The following FAM228B variants were observed in gnomAD, a reference collection of about 807,000 sequenced individuals.
The protein encoded by FAM228B is protein FAM228B.
A neutral mutation model predicts 42.6 loss-of-function variants in FAM228B; 38 were observed. That is an observed-to-expected ratio of 0.89 (90% confidence interval 0.69 to 1.17). FAM228B has a LOEUF of 1.17. Ranked by LOEUF, FAM228B falls within the 50% of genes most tolerant of loss-of-function variation. The probability of loss-of-function intolerance (pLI) is 0.00; values close to 1 mark genes in which losing one functional copy is unlikely to be tolerated. For missense variants in FAM228B, 344 were observed against 367.3 expected (o/e 0.94, Z 0.52); for synonymous variants, 109 against 122.3 (o/e 0.89, Z 0.72).
At chr2:24,089,318 A>G (rs1665333448) in intron 2 of FAM228B, among the ~76,000 whole-genome samples, 1 of 152,236 alleles carries the variant, frequency 6.6e-6, no homozygotes, top group South Asian at 2.1e-4. Flanking sequence ...AAGGTCTGAA[A>G]GACTGGGAAT....
At chr2:24,087,877 C>T (rs185611196) in intron 2 of FAM228B, among the ~76,000 whole-genome samples, 188 of 150,966 alleles carry the variant, frequency 1.2e-3, no homozygotes, top group East Asian at 7.0e-3. Flanking sequence ...TATAGATGCA[C>T]GCTGCCACGC....
intron 3 of FAM228B, among the ~76,000 whole-genome samples, chr2:24,110,269 G>A (rs1302521601): frequency 6.6e-6 from 1 of 152,136 alleles, no homozygotes; most frequent in Non-Finnish European, 1.5e-5. Context: ...AACAGACACT[G>A]GGGCCTGCTT....
chr2:24,107,817 G>A (rs1223624393), intron 3 of FAM228B, among the ~76,000 whole-genome samples: 1 of 152,104 alleles, frequency 6.6e-6, no homozygotes, highest in Non-Finnish European at 1.5e-5. Context: ...ATGCCCACAT[G>A]AAACAGACAG....
Position 24,084,685 on chromosome 2 carries a change from GC to G in FAM228B, c.-210+3735del. On this transcript the variant is annotated intron_variant, in intron 2 of 10. Coordinates refer to the FAM228B transcript ENST00000613899. This position sits in a 1 kb window ranked among gnomAD's most constrained non-coding sequence, Gnocchi z 8.4. ...AAATCACACTCCCTCTGAGTTGGAA[GC>G]CCCCAGCCCGACCCGGGTCCCCGGC... 5.3e-6 allele frequency: 1 copy of G among 190,432 alleles called. No individual in the cohort carries two copies. Among genetic ancestry groups the G allele is most frequent in the Non-Finnish European group, 1.1e-5 (1 of 93,484 alleles). 11.8% of individuals were successfully genotyped at this position (190,432 alleles called of 1,614,324 possible). A position where few individuals can be genotyped will look rare whatever the true frequency, so the allele number is the denominator to read the frequency against.
At chr2:24,101,706 G>A (rs1005283617) in intron 3 of FAM228B, among the ~76,000 whole-genome samples, 7 of 151,288 alleles carry the variant, frequency 4.6e-5, no homozygotes, top group African/African-American at 1.7e-4. Context: ...TTTTAAAGAC[G>A]GGGTCTCGCA....
At chr2:24,090,574 AAAAAAAAAAT>A (rs901377198) in intron 2 of FAM228B, among the ~76,000 whole-genome samples, 1 of 151,698 alleles carries the variant, frequency 6.6e-6, no homozygotes, top group African/African-American at 2.4e-5. Context: ...AAAAAAAAAA[AAAAAAAAAAT>A]AGGAAATGGA....
intron 2 of FAM228B, among the ~76,000 whole-genome samples, chr2:24,081,419 C>T (rs1358096240): frequency 6.6e-6 from 1 of 152,202 alleles, no homozygotes; most frequent in Non-Finnish European, 1.5e-5. Context: ...TGGTCACCAC[C>T]GAAAGCCAGT....
Position 24,084,235 on chromosome 2 carries a change from A to T in FAM228B, c.-210+3280A>T, listed in dbSNP as rs1220357658. The stretch of plus-strand genomic sequence containing the variant: ...CAGGGCGCTGGCCGCCACCTTCAGG[A>T]GGACTTCACCCTCCCCCGGGCTCGG... On this transcript the variant is annotated intron_variant, in intron 2 of 10. Transcript: ENST00000613899. This position sits in a 1 kb window ranked among gnomAD's most constrained non-coding sequence, Gnocchi z 8.4. 25 of 1,613,884 alleles carry T rather than the reference A, an allele frequency of 1.5e-5. No individual in the cohort carries two copies. The highest frequency in any genetic ancestry group is 6.7e-5 in the Admixed American group (4 of 59,992).
At position 24,146,955 on chromosome 2, in the gene FAM228B, C is replaced by T; in HGVS notation, c.555C>T (p.Phe185=). ...ETGKIYSIKE[F]KEVEKVQLHS... ...GCAAAATATATTCAATAAAGGAATT[C>T]AAAGAAGTTGAGAAGGTTCAGCTGC... Residue 185 remains phenylalanine, a synonymous_variant, in exon 7 of 11, where the codon TTC becomes TTT. Transcript: ENST00000615575. 1 of 1,551,188 alleles carries T rather than the reference C, an allele frequency of 6.4e-7. No homozygotes were observed. Among genetic ancestry groups the T allele is most frequent in the Non-Finnish European group, 8.7e-7 (1 of 1,146,754 alleles).
Position 24,090,550 on chromosome 2 carries a change from A to C in FAM228B, c.-209-4591A>C, listed in dbSNP as rs1476791262. Among the ~76,000 whole-genome samples, 6 of 136,678 alleles carry C rather than the reference A, an allele frequency of 4.4e-5. No homozygotes were observed. In the Admixed American group the frequency reaches 4.6e-4, roughly 11 times the overall value. The allele number at this position is 136,678 out of a possible 152,430, so 89.7% of individuals were successfully genotyped here. A position where few individuals can be genotyped will look rare whatever the true frequency, so the allele number is the denominator to read the frequency against. On this transcript the variant is annotated intron_variant, in intron 2 of 10. Coordinates refer to the FAM228B transcript ENST00000613899. ...GCACTCCAGCCTTGGTGACAGAGAGAGCCTCCCATCTCAAAAAAAAAAAAA... is the reference window on the plus strand; with the variant it reads ...GCACTCCAGCCTTGGTGACAGAGAGCGCCTCCCATCTCAAAAAAAAAAAAA...
chr2:24,146,535 C>T (rs186730172), intron 5 of FAM228B, among the ~76,000 whole-genome samples: 2 of 152,160 alleles, frequency 1.3e-5, no homozygotes, highest in African/African-American at 2.4e-5. Flanking sequence ...AACTTTGTCT[C>T]TTTGACTGGA....
intron 2 of FAM228B, among the ~76,000 whole-genome samples, chr2:24,088,642 C>T (rs759276245): frequency 3.3e-5 from 5 of 152,222 alleles, no homozygotes; most frequent in South Asian, 2.1e-4. Flanking sequence ...TGAGCCACCG[C>T]GCCCGGCCTA....
chr2:24,122,259 G>A (rs1666141400), upstream of FAM228B, among the ~76,000 whole-genome samples: 1 of 151,334 alleles, frequency 6.6e-6, no homozygotes, highest in Non-Finnish European at 1.5e-5. Context: ...TTGAGAGGCG[G>A]AGGTTGCAGT....
chr2:24,077,715 T>C lies in FAM228B; in HGVS notation c.-290+746T>C. ...ACGTTGGGGGCCCTCCGTGGAGAAG[T>C]GAGGCAGAATTTGCTCCGTGAAAGC... On this transcript the variant is annotated intron_variant, in intron 1 of 10. Coordinates refer to the FAM228B transcript ENST00000613899. This position sits in a 1 kb window ranked among gnomAD's most constrained non-coding sequence, Gnocchi z 5.5. 1 of 1,614,026 alleles carries C rather than the reference T, an allele frequency of 6.2e-7. No homozygotes were observed. Among genetic ancestry groups the C allele is most frequent in the Non-Finnish European group, 8.5e-7 (1 of 1,179,964 alleles).
intron 7 of FAM228B, 32 bp downstream of exon 7, chr2:24,147,118 CT>C (rs1666914727): frequency 7.1e-7 from 1 of 1,409,498 alleles, no homozygotes; most frequent in African/African-American, 1.4e-5. Flanking sequence ...ATTATAGAAC[CT>C]TTTGGACTTT....
intron 2 of FAM228B, among the ~76,000 whole-genome samples, chr2:24,132,472 T>TTTC (rs1471524198): frequency 2.9e-5 from 4 of 137,642 alleles, no homozygotes; most frequent in Non-Finnish European, 6.3e-5. Flanking sequence ...TTGTTTTTTT[T>TTTC]TTTTTTTTTT....
chr2:24,131,486 T>G (rs559741063), intron 2 of FAM228B, among the ~76,000 whole-genome samples: 1 of 152,368 alleles, frequency 6.6e-6, no homozygotes, highest in South Asian at 2.1e-4. Context: ...CGTTTGTTTC[T>G]GTCCTCTCTT....
At chr2:24,119,697 T>A, upstream of FAM228B, 1 of 1,585,960 alleles carries the variant, frequency 6.3e-7, no homozygotes, top group Non-Finnish European at 8.6e-7. Context: ...ATAAAGAATA[T>A]AAGAGAATAT....
chr2:24,112,648 A>G (rs1352828537), intron 3 of FAM228B, among the ~76,000 whole-genome samples: 2 of 152,186 alleles, frequency 1.3e-5, no homozygotes, highest in African/African-American at 4.8e-5. Flanking sequence ...TATTTTCCCA[A>G]GTTATAAAAG....
Sources: gnomAD v4.1 joint callset for allele counts (sites outside exome capture counted in the v4.1 genomes callset) on GRCh38, gnomAD v4.1.1 for gene constraint, Gnocchi (gnomAD v3.1) non-coding constraint, MANE v1.5 for transcripts, NCBI Gene and HGNC (gene_info 2026-07-23, HGNC 2026-07-21) for gene names.